Variants in WDR76 observed in about 807,000 individuals in gnomAD.
The protein encoded by WDR76 is WD repeat domain 76.
WDR76 carries 52 observed loss-of-function variants against 70.2 expected under a neutral mutation model. The ratio of observed to expected loss-of-function variants is 0.74; its 90% CI spans 0.59 to 0.93. The LOEUF is 0.93. Ranked by LOEUF, WDR76 falls within the 40% of genes least tolerant of loss-of-function variation. The pLI, the probability that WDR76 is intolerant of heterozygous loss-of-function variation, is 0.00. For missense variants in WDR76, 756 were observed against 760.2 expected (o/e 0.99, Z 0.07); for synonymous variants, 292 against 271.1 (o/e 1.08, Z -0.76).
chr15:43,863,512 C>T (rs2088030474), intron 12 of WDR76, among the ~76,000 whole-genome samples: 1 of 151,582 alleles, frequency 6.6e-6, no homozygotes, highest in African/African-American at 2.4e-5. Flanking sequence ...AACATCTCCC[C>T]AAACCTTTCC....
chr15:43,837,771 G>A (rs929035518), intron 4 of WDR76, among the ~76,000 whole-genome samples: 5 of 151,840 alleles, frequency 3.3e-5, no homozygotes, highest in Admixed American at 1.3e-4. Context: ...TGCCATCCAG[G>A]TTAATAGAAA....
intron 4 of WDR76, among the ~76,000 whole-genome samples, chr15:43,837,512 G>C (rs777630284): frequency 5.5e-4 from 84 of 152,116 alleles, no homozygotes; most frequent in African/African-American, 2.0e-3. Flanking sequence ...TGATAGTATG[G>C]AAGTTGTGTA....
chr15:43,863,213 C>T (rs2088025861), intron 12 of WDR76, among the ~76,000 whole-genome samples: 1 of 152,196 alleles, frequency 6.6e-6, no homozygotes, highest in Admixed American at 6.6e-5. Flanking sequence ...GCTGAGATTA[C>T]AGACATGAGC....
At chr15:43,862,432 C>T (rs1479499399) in intron 12 of WDR76, among the ~76,000 whole-genome samples, 2 of 150,954 alleles carry the variant, frequency 1.3e-5, no homozygotes, top group Non-Finnish European at 3.0e-5. Flanking sequence ...ATTCTCCTGC[C>T]TCAGCCTCCC....
At chr15:43,863,233 C>T (rs889753710) in intron 12 of WDR76, among the ~76,000 whole-genome samples, 1 of 152,124 alleles carries the variant, frequency 6.6e-6, no homozygotes, top group Non-Finnish European at 1.5e-5. Context: ...CCACTGCATC[C>T]AGTCTTATTT....
intron 8 of WDR76, among the ~76,000 whole-genome samples, chr15:43,846,806 T>C (rs1291887815): frequency 6.6e-6 from 1 of 152,018 alleles, no homozygotes; most frequent in Non-Finnish European, 1.5e-5. Context: ...GCGGATCACC[T>C]GAGGTCTGGA....
intron 9 of WDR76, among the ~76,000 whole-genome samples, chr15:43,852,181 T>A (rs1567189878): frequency 6.6e-6 from 1 of 152,180 alleles, no homozygotes; most frequent in East Asian, 1.9e-4. Context: ...TAAGTTGAAC[T>A]TTTTTATTTT....
chr15:43,862,940 G>A (rs532128878), intron 12 of WDR76, among the ~76,000 whole-genome samples: 1 of 150,786 alleles, frequency 6.6e-6, no homozygotes, highest in East Asian at 2.0e-4. Context: ...ACTGTGCCCA[G>A]CCTATTTTAT....
Position 43,866,216 on chromosome 15 carries a change from G to A in WDR76, c.1705G>A (p.Ala569Thr). 1 of 1,614,200 alleles carries A rather than the reference G, an allele frequency of 6.2e-7. No homozygotes were observed. Residue 569 changes from alanine (A) to threonine (T), a missense_variant, in exon 13 of 13, where the codon GCC (alanine) becomes ACC (threonine). Physicochemically the swap from Ala to Thr is moderately conservative, Grantham distance 58. Transcript: ENST00000263795. ...AGACTGTGTCATAGTTGGCAGCATGGCCCATCCACGACGGGTAGAAATCTT... is the reference window on the plus strand; with the variant it reads ...AGACTGTGTCATAGTTGGCAGCATGACCCATCCACGACGGGTAGAAATCTT... ...QEDCVIVGSM[A>T]HPRRVEIFHE...
At position 43,828,104 on chromosome 15, in the gene WDR76, C is replaced by T; in HGVS notation, c.200C>T (p.Pro67Leu). ...TACCAGCTAGACCAGCTTATGTGCC[C>T]CAAATCCCTATCAGAAAAGAATTCT... is the stretch of plus-strand genomic sequence containing the variant. ...SNYQLDQLMCPKSLSEKNSNN... is the reference protein window; with the variant it reads ...SNYQLDQLMCLKSLSEKNSNN... The change falls in exon 2 of 13, where the codon CCC becomes CTC. Residue 67 changes from proline (P) to leucine (L), a missense_variant. Pro to Leu is a moderately conservative substitution (Grantham distance 98, BLOSUM62 -3). Coordinates refer to ENST00000263795, the MANE Select transcript of WDR76 (RefSeq NM_024908.4). The T allele has an allele frequency of 6.2e-7, 1 of 1,614,036 alleles. No individual in the cohort carries two copies. The highest frequency in any genetic ancestry group is 8.5e-7 in the Non-Finnish European group (1 of 1,180,008).
At position 43,861,314 on chromosome 15, in the gene WDR76, TA is replaced by T. The variant is rs1336552646; in HGVS notation, c.1563-18del. ...GTTTTTAAGTAACAAAAGAATGTCT[TA>T]CTCTCTTTATTTTGCAGAATTTTTG... On this transcript the variant is annotated intron_variant, in intron 11 of 12. Coordinates refer to ENST00000263795, the MANE Select transcript of WDR76 (RefSeq NM_024908.4). The T allele has an allele frequency of 6.2e-7, 1 of 1,606,162 alleles. No individual in the cohort carries two copies. Among genetic ancestry groups the T allele is most frequent in the Non-Finnish European group, 8.5e-7 (1 of 1,173,038 alleles).
intron 2 of WDR76, among the ~76,000 whole-genome samples, chr15:43,830,668 A>G (rs28699233): frequency 0.11 from 16,292 of 152,060 alleles, 951 homozygotes; most frequent in East Asian, 0.19. Context: ...TCCTAAAGAA[A>G]AAAAAAAGGA....
intron 2 of WDR76, among the ~76,000 whole-genome samples, chr15:43,830,917 G>T (rs1032763283): frequency 6.6e-5 from 10 of 151,946 alleles, no homozygotes; most frequent in Middle Eastern, 3.4e-3. Flanking sequence ...GCATGGTGGT[G>T]GGCACCTGTA....
At chr15:43,853,954 C>A (rs72716006) in intron 9 of WDR76, among the ~76,000 whole-genome samples, 3,044 of 151,418 alleles carry the variant, frequency 0.02, 49 homozygotes, top group Middle Eastern at 0.034. Flanking sequence ...GGCAAATAAG[C>A]ACATGAAAAG....
Position 43,839,615 on chromosome 15 carries a change from AAG to A in WDR76, c.625_626del (p.Glu209LysfsTer6). The A allele has an allele frequency of 6.2e-7, 1 of 1,610,608 alleles. No homozygotes were observed. The highest frequency in any genetic ancestry group is 2.2e-5 in the East Asian group (1 of 44,796). ...TCCCCACTCCTTTAGAAAGAAGCCT[AAG>A]AGAGAAAATGGGATTGGATGTAGAA... ...QPPKSKRKKPKRENGIGCRRS... is the reference protein window; with the variant it reads ...QPPKSKRKKPXRENGIGCRRS... On this transcript the variant is annotated frameshift_variant, in exon 5 of 13. Transcript: ENST00000263795. LOFTEE classifies it high-confidence loss of function.
chr15:43,855,803 C>G (rs560621381), intron 9 of WDR76, among the ~76,000 whole-genome samples: 11 of 150,900 alleles, frequency 7.3e-5, no homozygotes, highest in Admixed American at 2.0e-4. Context: ...GAGCCGAGAT[C>G]GTGCCACTGT....
intron 5 of WDR76, among the ~76,000 whole-genome samples, chr15:43,839,985 A>G (rs1363525692): frequency 1.4e-4 from 22 of 151,844 alleles, no homozygotes; most frequent in Admixed American, 1.4e-3. Context: ...AGCCTCCCGA[A>G]TAGCTGGGAT....
At chr15:43,830,979 T>C (rs577461636) in intron 2 of WDR76, among the ~76,000 whole-genome samples, 1 of 151,274 alleles carries the variant, frequency 6.6e-6, no homozygotes, top group Non-Finnish European at 1.5e-5. Context: ...ACTGAGGAGG[T>C]AGAGGTTGCA....
rs891771770 is a variant in WDR76, at chr15:43,849,717, T to C, written c.1033-1370T>C. ...CACGCCCGGCTAATTTTTGTATTTT[T>C]AGTAGAGACGGGGTTTCACCATCTT... On this transcript the variant is annotated intron_variant, in intron 8 of 12. Coordinates refer to ENST00000263795, the MANE Select transcript of WDR76 (RefSeq NM_024908.4). 2.6e-5 allele frequency among the ~76,000 whole-genome samples: 4 copies of C among 152,146 alleles called. No homozygotes were observed. In the East Asian group the frequency reaches 7.7e-4, roughly 29 times the overall value.
Sources: gnomAD v4.1 joint callset for allele counts (sites outside exome capture counted in the v4.1 genomes callset) on GRCh38, gnomAD v4.1.1 for gene constraint, MANE v1.5 for transcripts, NCBI Gene and HGNC (gene_info 2026-07-23, HGNC 2026-07-21) for gene names.